The following MGMT variants were observed in gnomAD, a reference collection of about 807,000 sequenced individuals.
The protein encoded by MGMT is O-6-methylguanine-DNA methyltransferase.
In MGMT, 14 loss-of-function variants were observed where a neutral mutation model predicts 15.9. The observed-to-expected ratio is 0.88, with a 90% confidence interval of 0.58 to 1.37. The LOEUF (loss-of-function observed/expected upper bound fraction) is 1.37, where lower values mean the gene tolerates loss of function less well. Among genes scored for constraint, MGMT ranks in the 40% most tolerant of loss-of-function variants. The pLI is 0.00. For missense variants in MGMT, 282 were observed against 268.1 expected (o/e 1.05, Z -0.36); for synonymous variants, 130 against 118.2 (o/e 1.10, Z -0.65).
intron 1 of MGMT, among the ~76,000 whole-genome samples, chr10:129,501,987 A>C (rs566533280): frequency 6.6e-6 from 1 of 152,324 alleles, no homozygotes; most frequent in Non-Finnish European, 1.5e-5. Context: ...GGTTCTCCCC[A>C]TGTGATACTG....
At chr10:129,646,754 A>ATATATATATATTTTTTTTTTTTT in intron 2 of MGMT, among the ~76,000 whole-genome samples, 24 of 86,636 alleles carry the variant, frequency 2.8e-4, no homozygotes, top group Admixed American at 4.8e-4. Flanking sequence ...ATATATATAT[A>ATATATATATATTTTTTTTTTTTT]TTTTCAGGGA....
intron 1 of MGMT, among the ~76,000 whole-genome samples, chr10:129,517,117 G>A (rs988807245): frequency 1.3e-5 from 2 of 152,174 alleles, no homozygotes; most frequent in Non-Finnish European, 1.5e-5. Context: ...GTAGAAGAAG[G>A]CCTTAGGGAC....
At chr10:129,677,515 G>A (rs1195462801) in intron 2 of MGMT, among the ~76,000 whole-genome samples, 1 of 152,130 alleles carries the variant, frequency 6.6e-6, no homozygotes, top group African/African-American at 2.4e-5. Flanking sequence ...GCAGGTGCCT[G>A]GGTAATGTCC....
intron 2 of MGMT, among the ~76,000 whole-genome samples, chr10:129,679,538 A>T (rs1183216707): frequency 6.6e-6 from 1 of 152,220 alleles, no homozygotes; most frequent in Non-Finnish European, 1.5e-5. Flanking sequence ...TAAGAATATT[A>T]GTACAATATT....
In MGMT at chr10:129,690,173, T is replaced by A. The variant is rs141201573; in HGVS notation, c.126-17722T>A. 3.3e-3 allele frequency among the ~76,000 whole-genome samples: 498 copies of A among 152,382 alleles called. 1 individual carries two copies. Among genetic ancestry groups the A allele is most frequent in the African/African-American group, 0.011 (464 of 41,598 alleles). ...CCCAGTCTAAAACATCGGTAGTTTA[T>A]ATCACATATTTACTTCCATGTGTCT... On this transcript the variant is annotated intron_variant, in intron 2 of 4. Transcript: ENST00000651593.
At position 129,583,919 on chromosome 10, in the gene MGMT, G is replaced by C. The variant is rs536280059; in HGVS notation, c.125+47542G>C. On this transcript the variant is annotated intron_variant, in intron 2 of 4. Coordinates refer to ENST00000651593, the MANE Select transcript of MGMT (RefSeq NM_002412.5). ...AGTCTATGTGTGGGTGCCTTGGTGT[G>C]GGACACAAGAAAGTGAGGCAGGACG... Among the ~76,000 whole-genome samples the C allele has an allele frequency of 4.3e-4, 66 of 152,302 alleles. 1 individual carries two copies. In the South Asian group the frequency reaches 8.7e-3, roughly 20 times the overall value.
chr10:129,516,407 A>G lies in MGMT; in HGVS notation c.-12-19834A>G, dbSNP rs558751849. ...TTAGTGGGGCCGGGGGCGTGCTGAT[A>G]TCACAGTGGCGTGGGGTGGGGTGAA... On this transcript the variant is annotated intron_variant, in intron 1 of 4. Coordinates refer to ENST00000651593, the MANE Select transcript of MGMT (RefSeq NM_002412.5). Among the ~76,000 whole-genome samples, 14 of 152,296 alleles carry G rather than the reference A, an allele frequency of 9.2e-5. 1 individual carries two copies. The highest frequency in any genetic ancestry group is 6.2e-4 in the South Asian group (3 of 4,822).
At chr10:129,742,029 G>A (rs1848640009) in intron 3 of MGMT, among the ~76,000 whole-genome samples, 1 of 152,224 alleles carries the variant, frequency 6.6e-6, no homozygotes, top group South Asian at 2.1e-4. Context: ...TTGGGGGAAG[G>A]ATAATGATTG....
chr10:129,482,035 T>A (rs1045713584), intron 1 of MGMT, among the ~76,000 whole-genome samples: 1 of 152,198 alleles, frequency 6.6e-6, no homozygotes, highest in Non-Finnish European at 1.5e-5. Context: ...CATATAAACA[T>A]TTAATGCTAA....
chr10:129,703,725 C>T (rs181222146), intron 2 of MGMT, among the ~76,000 whole-genome samples: 98 of 152,264 alleles, frequency 6.4e-4, no homozygotes, highest in African/African-American at 2.2e-3. Flanking sequence ...CAGGTGCCAC[C>T]ACGGACGCCA....
intron 2 of MGMT, among the ~76,000 whole-genome samples, chr10:129,594,618 G>A (rs1435969414): frequency 1.3e-5 from 2 of 152,170 alleles, no homozygotes; most frequent in Non-Finnish European, 1.5e-5. Context: ...ACATACCACA[G>A]CAGTGTATGA....
intron 2 of MGMT, among the ~76,000 whole-genome samples, chr10:129,570,718 C>T (rs1205043531): frequency 5.3e-5 from 8 of 152,112 alleles, no homozygotes; most frequent in Non-Finnish European, 8.8e-5. Flanking sequence ...GACTATTCAT[C>T]GATTCTTGAC....
chr10:129,537,025 T>C (rs1202047739), intron 2 of MGMT: 1 of 152,096 alleles, frequency 6.6e-6, no homozygotes, highest in East Asian at 1.9e-4. Flanking sequence ...CCACTATATT[T>C]CTCTAATTGC....
chr10:129,711,085 G>A (rs2053138), intron 3 of MGMT, among the ~76,000 whole-genome samples: 3 of 151,992 alleles, frequency 2.0e-5, no homozygotes, highest in Middle Eastern at 3.4e-3. Context: ...TTCTGACTGC[G>A]CAGTACCAAG....
chr10:129,613,329 G>A (rs1039955196), intron 2 of MGMT, among the ~76,000 whole-genome samples: 1 of 152,180 alleles, frequency 6.6e-6, no homozygotes, highest in African/African-American at 2.4e-5. Flanking sequence ...GACGGGAAGC[G>A]TCCTTGATCC....
chr10:129,732,400 C>A (rs1472959380), intron 3 of MGMT, among the ~76,000 whole-genome samples: 4 of 145,140 alleles, frequency 2.8e-5, no homozygotes, highest in African/African-American at 7.7e-5. Flanking sequence ...TGAGAACATG[C>A]GGTGTTTGGT....
At chr10:129,551,649 G>C (rs532380575) in intron 2 of MGMT, among the ~76,000 whole-genome samples, 2 of 152,106 alleles carry the variant, frequency 1.3e-5, no homozygotes, top group Non-Finnish European at 2.9e-5. Flanking sequence ...AAGTTTCTCC[G>C]AGGTATTTTC....
chr10:129,507,686 G>A (rs937594642), intron 1 of MGMT, among the ~76,000 whole-genome samples: 4 of 152,144 alleles, frequency 2.6e-5, no homozygotes, highest in African/African-American at 9.7e-5. Flanking sequence ...CTGGTGAGTG[G>A]GCCAAAATGA....
chr10:129,636,659 A>G (rs1284902005), intron 2 of MGMT, among the ~76,000 whole-genome samples: 1 of 152,196 alleles, frequency 6.6e-6, no homozygotes, highest in South Asian at 2.1e-4. Context: ...TGTGAACTCT[A>G]TAGATTGTTT....
Sources: allele counts gnomAD v4.1 joint callset (sites outside exome capture counted in the v4.1 genomes callset), GRCh38; gene constraint gnomAD v4.1.1; transcripts MANE v1.5; gene names NCBI Gene and HGNC (gene_info 2026-07-23, HGNC 2026-07-21).